The following FOXK2 variants were observed in gnomAD, a reference collection of about 807,000 sequenced individuals.
The protein encoded by FOXK2 is forkhead box K2, also known as forkhead box protein K2.
A neutral mutation model predicts 53.3 loss-of-function variants in FOXK2; 24 were observed. The observed-to-expected ratio is 0.45, with a 90% CI of 0.33 to 0.63. The LOEUF (loss-of-function observed/expected upper bound fraction) is 0.63, where lower values mean the gene tolerates loss of function less well. FOXK2 is among the 30% of genes least tolerant of loss of function. The probability of loss-of-function intolerance (pLI) is 0.03; values close to 1 mark genes in which losing one functional copy is unlikely to be tolerated. For missense variants in FOXK2, 952 were observed against 910.5 expected (o/e 1.05, Z -0.59); for synonymous variants, 505 against 407.1 (o/e 1.24, Z -2.89).
At chr17:82,560,331 G>A (rs1329131772) in intron 1 of FOXK2, among the ~76,000 whole-genome samples, 1 of 152,156 alleles carries the variant, frequency 6.6e-6, no homozygotes, top group African/African-American at 2.4e-5. Flanking sequence ...TTTAAGGGAA[G>A]CGGTCTCACT....
intron 3 of FOXK2, among the ~76,000 whole-genome samples, chr17:82,570,478 G>A (rs1233177661): frequency 6.6e-6 from 1 of 152,174 alleles, no homozygotes; most frequent in Non-Finnish European, 1.5e-5. Context: ...GGGCGACAGA[G>A]TGAGACCGTG....
intron 2 of FOXK2, among the ~76,000 whole-genome samples, chr17:82,566,313 T>C (rs530916232): frequency 2.0e-5 from 3 of 152,132 alleles, no homozygotes; most frequent in African/African-American, 7.2e-5. Flanking sequence ...GTGTGGCCAG[T>C]GGACTCTGGC....
intron 8 of FOXK2, among the ~76,000 whole-genome samples, chr17:82,591,449 A>G (rs1305051912): frequency 6.6e-6 from 1 of 152,022 alleles, no homozygotes; most frequent in Non-Finnish European, 1.5e-5. Context: ...GGGGTGCATC[A>G]TGCTGCCGCC....
chr17:82,587,729 T>C (rs369197179), intron 8 of FOXK2, among the ~76,000 whole-genome samples: 13 of 152,284 alleles, frequency 8.5e-5, no homozygotes, highest in African/African-American at 3.1e-4. Context: ...TGTTCTGACA[T>C]TGACAAGTGG....
intron 4 of FOXK2, among the ~76,000 whole-genome samples, chr17:82,573,861 A>AG (rs1320942102): frequency 3.9e-5 from 6 of 152,236 alleles, no homozygotes; most frequent in Non-Finnish European, 8.8e-5. Context: ...TTTGAGAACT[A>AG]CCTATGAACA....
rs768732200 is a variant in FOXK2 at position 82,520,132 on chromosome 17, A to C, written c.244A>C (p.Ile82Leu). The C allele has an allele frequency of 6.5e-7, 1 of 1,535,328 alleles. No individual in the cohort carries two copies. Among genetic ancestry groups the C allele is most frequent in the East Asian group, 2.7e-5 (1 of 36,956 alleles). ...SSFISRRHLEIFTPPGGGGHG... is the reference protein window; with the variant it reads ...SSFISRRHLELFTPPGGGGHG... ...CTTCATCTCCCGGCGCCACCTCGAG[A>C]TCTTCACGCCCCCGGGCGGCGGCGG... Residue 82 changes from isoleucine to leucine, a missense_variant, in exon 1 of 9, where the codon ATC (isoleucine) becomes CTC (leucine). Around this residue, in one of 5 missense-constraint regions of FOXK2, gnomAD observed 163 missense variants for 165.5 expected, o/e 0.98. Coordinates refer to ENST00000335255, the MANE Select transcript of FOXK2 (RefSeq NM_004514.4).
chr17:82,536,552 G>T (rs1599882121), intron 1 of FOXK2, among the ~76,000 whole-genome samples: 1 of 152,196 alleles, frequency 6.6e-6, no homozygotes, highest in South Asian at 2.1e-4. Context: ...TTTAGTTGGT[G>T]TTTTGACAAA....
intron 4 of FOXK2, 72 bp from the exon 5 acceptor site, chr17:82,582,668 CT>C: frequency 7.5e-7 from 1 of 1,334,508 alleles, no homozygotes. Flanking sequence ...TTTTAGGGCA[CT>C]AAAACGAGGA....
intron 3 of FOXK2, among the ~76,000 whole-genome samples, chr17:82,568,900 G>T (rs193124360): frequency 9.3e-4 from 142 of 152,272 alleles, no homozygotes; most frequent in African/African-American, 3.2e-3. Context: ...AATCTCAGCT[G>T]CTCTGGAGGC....
At chr17:82,557,975 T>C (rs1416738532) in intron 1 of FOXK2, among the ~76,000 whole-genome samples, 2 of 152,180 alleles carry the variant, frequency 1.3e-5, no homozygotes, top group Admixed American at 1.3e-4. Flanking sequence ...TTAAATGCCC[T>C]GTGCTCCTGA....
chr17:82,600,093 C>G (rs533134065), intron 8 of FOXK2: 16 of 152,508 alleles, frequency 1.0e-4, no homozygotes, highest in African/African-American at 3.8e-4. Flanking sequence ...TGTGCGCAGC[C>G]TAGGGGCCTA....
chr17:82,545,172 G>A (rs1411983379), intron 1 of FOXK2, among the ~76,000 whole-genome samples: 1 of 152,098 alleles, frequency 6.6e-6, no homozygotes, highest in African/African-American at 2.4e-5. Context: ...CAGATTCTAA[G>A]TATAGCTCAG....
At chr17:82,533,317 T>C (rs1475271151) in intron 1 of FOXK2, among the ~76,000 whole-genome samples, 3 of 152,244 alleles carry the variant, frequency 2.0e-5, no homozygotes, top group Admixed American at 1.3e-4. Context: ...GGTGAAACCC[T>C]GTCTCTACTA....
chr17:82,598,725 T>A (rs1184010627), intron 8 of FOXK2, among the ~76,000 whole-genome samples: 1 of 152,212 alleles, frequency 6.6e-6, no homozygotes, highest in East Asian at 1.9e-4. Flanking sequence ...ACCTCCTAAT[T>A]AGGCTGCGTG....
chr17:82,584,217 C>T (rs1294211540), intron 6 of FOXK2, 29 bp downstream of exon 6: 1 of 1,555,716 alleles, frequency 6.4e-7, no homozygotes. Context: ...AAGCGAGGGC[C>T]CCAACAGCGT....
chr17:82,580,878 C>G (rs1040339489), intron 4 of FOXK2, among the ~76,000 whole-genome samples: 10 of 145,818 alleles, frequency 6.9e-5, no homozygotes, highest in African/African-American at 2.6e-4. Flanking sequence ...CATGAAGTAG[C>G]TCCATCCACA....
intron 7 of FOXK2, 126 bp from the exon 8 acceptor site, chr17:82,586,937 T>C (rs1598232782): frequency 2.3e-6 from 2 of 855,238 alleles, no homozygotes; most frequent in East Asian, 2.5e-5. Context: ...TTTTTCTAAT[T>C]TGCTGTTTGT....
chr17:82,563,940 CAG>C (rs1257242318), intron 2 of FOXK2, among the ~76,000 whole-genome samples: 7 of 151,422 alleles, frequency 4.6e-5, no homozygotes, highest in African/African-American at 1.5e-4. Context: ...TTAGTAGAGA[CAG>C]GGTTTCACCA....
intron 1 of FOXK2, among the ~76,000 whole-genome samples, chr17:82,561,143 T>C (rs1268745302): frequency 1.3e-5 from 2 of 152,154 alleles, no homozygotes; most frequent in African/African-American, 4.8e-5. Flanking sequence ...TTTTTCAGTT[T>C]TCATGATGGG....
Sources: allele counts gnomAD v4.1 joint callset (sites outside exome capture counted in the v4.1 genomes callset), GRCh38; gene constraint gnomAD v4.1.1; regional missense constraint gnomAD v4.1.1; transcripts MANE v1.5; gene names NCBI Gene and HGNC (gene_info 2026-07-23, HGNC 2026-07-21).